TMPRSS4: variants seen among roughly 807,000 people sequenced by gnomAD.
TMPRSS4 encodes transmembrane serine protease 4.
In TMPRSS4, 45 loss-of-function variants were observed where a neutral mutation model predicts 56.4. The observed-to-expected ratio is 0.80, with a 90% CI of 0.63 to 1.02. TMPRSS4 has a LOEUF of 1.02. Among genes scored for constraint, TMPRSS4 ranks in the 50% least tolerant of loss-of-function variants. The pLI is 0.00. For missense variants in TMPRSS4, 546 were observed against 556.7 expected (o/e 0.98, Z 0.19); for synonymous variants, 205 against 211.0 (o/e 0.97, Z 0.25).
chr11:118,117,447 T>C lies in TMPRSS4; in HGVS notation c.1295T>C (p.Val432Ala), dbSNP rs751167953. Residue 432 changes from valine (V) to alanine (A), a missense_variant, in exon 12 of 13, where the codon GTC (valine) becomes GCC (alanine). Transcript: ENST00000437212. ...VSAYLNWIYN[V>A]WKAEL is the part of the protein sequence containing the mutation. ...GCCTATCTCAACTGGATCTACAATG[T>C]CTGGAAGGTAAGGTACCTTTGCCCT... 5.6e-6 allele frequency: 9 copies of C among 1,612,976 alleles called. No homozygotes were observed. In the African/African-American group the frequency reaches 8.0e-5, roughly 14 times the overall value.
In TMPRSS4 at chr11:118,121,631, T is replaced by A. The variant is rs1014828997; in HGVS notation, c.*3718T>A. On this transcript the variant is annotated 3_prime_UTR_variant, in exon 13 of 13. Transcript: ENST00000437212. ...GCCTCGGCCTCCCAAAGTGCTGGGA[T>A]TACAGGCGTGTCTACATATTATTAA... 31 of 152,228 alleles carry A rather than the reference T, an allele frequency of 2.0e-4. No individual in the cohort carries two copies. The highest frequency in any genetic ancestry group is 7.2e-4 in the African/African-American group (30 of 41,456). The allele number at this position is 152,228 out of a possible 1,614,324, so 9.4% of individuals were successfully genotyped here.
At position 118,118,988 on chromosome 11, in the gene TMPRSS4, C is replaced by A. The variant is rs1161153191; in HGVS notation, c.*1075C>A. 1 of 985,384 alleles carries A rather than the reference C, an allele frequency of 1.0e-6. No individual in the cohort carries two copies. Among genetic ancestry groups the A allele is most frequent in the Non-Finnish European group, 1.2e-6 (1 of 829,934 alleles). The allele number at this position is 985,384 out of a possible 1,614,324, so 61.0% of individuals were successfully genotyped here. On this transcript the variant is annotated 3_prime_UTR_variant, in exon 13 of 13. Transcript: ENST00000437212. The stretch of plus-strand genomic sequence containing the variant: ...TGGTCAAAGAATTAAACCCCATGGA[C>A]TTTTTTGGCATCTGTATGAAAGCTT...
At position 118,118,722 on chromosome 11, in the gene TMPRSS4, AG is replaced by A. The variant is rs34900458; in HGVS notation, c.*810del. 0.58 allele frequency: 576,199 copies of A among 985,478 alleles called. 169,664 individuals carry two copies. Among genetic ancestry groups the A allele is most frequent in the South Asian group, 0.69 (14,637 of 21,288 alleles). The allele number at this position is 985,478 out of a possible 1,614,324, so 61.0% of individuals were successfully genotyped here. A position where few individuals can be genotyped will look rare whatever the true frequency, so the allele number is the denominator to read the frequency against. On this transcript the variant is annotated 3_prime_UTR_variant, in exon 13 of 13. Coordinates refer to ENST00000437212, the MANE Select transcript of TMPRSS4 (RefSeq NM_019894.4). ...TCCCTGCCTGTGATAATCAGCCAGG[AG>A]CCAGGGATAACCTATGACTTGGGAA...
chr11:118,110,938 CT>C (rs1477431086), intron 7 of TMPRSS4, among the ~76,000 whole-genome samples: 2 of 152,206 alleles, frequency 1.3e-5, no homozygotes, highest in African/African-American at 4.8e-5. Context: ...TAGACAGAGA[CT>C]TTATATGAAA....
chr11:118,104,206 C>A (rs1946872643), intron 4 of TMPRSS4, among the ~76,000 whole-genome samples: 1 of 152,162 alleles, frequency 6.6e-6, no homozygotes, highest in Non-Finnish European at 1.5e-5. Flanking sequence ...CCCACAGGCA[C>A]CTGTCATCCT....
rs533310789 is a variant in TMPRSS4, at chr11:118,104,830, C to T, written c.440+10C>T. The T allele has an allele frequency of 2.6e-6, 4 of 1,565,114 alleles. No homozygotes were observed. The highest frequency in any genetic ancestry group is 2.7e-5 in the African/African-American group (2 of 72,820). On this transcript the variant is annotated intron_variant, in intron 5 of 12. Transcript: ENST00000437212. ...AGATGGGCTACAGCAGGTAACCAAC[C>T]TGGGCCTCTCTCCTTTTTCCCTCCT...
At chr11:118,105,976 T>G (rs1407630209) in intron 5 of TMPRSS4, 1 of 152,234 alleles carries the variant, frequency 6.6e-6, no homozygotes, top group Non-Finnish European at 1.5e-5. Flanking sequence ...AGGGGGCAAC[T>G]TCCATTACCC....
At chr11:118,102,815 G>A in intron 3 of TMPRSS4, 1 of 390,906 alleles carries the variant, frequency 2.6e-6, no homozygotes. Flanking sequence ...TACTGAGCGA[G>A]CACTGGAGGG....
intron 11 of TMPRSS4, among the ~76,000 whole-genome samples, chr11:118,115,899 C>A (rs1439231652): frequency 6.6e-6 from 1 of 152,076 alleles, no homozygotes; most frequent in East Asian, 1.9e-4. Flanking sequence ...AATGATTAGC[C>A]CCTTGAGGTC....
In TMPRSS4 at chr11:118,121,587, G is replaced by A. The variant is rs1375903409; in HGVS notation, c.*3674G>A. The A allele has an allele frequency of 2.6e-5, 4 of 152,118 alleles. No individual in the cohort carries two copies. Among genetic ancestry groups the A allele is most frequent in the African/African-American group, 2.4e-5 (1 of 41,432 alleles). 9.4% of individuals were successfully genotyped at this position (152,118 alleles called of 1,614,324 possible). A position where few individuals can be genotyped will look rare whatever the true frequency, so the allele number is the denominator to read the frequency against. Reference sequence around the variant, plus strand: ...TTGGCCAGGCCGGTCTCAAACTCCCGACCTCAAGTGATCCCCCCGCCTCGG... The same window carrying A: ...TTGGCCAGGCCGGTCTCAAACTCCCAACCTCAAGTGATCCCCCCGCCTCGG... On this transcript the variant is annotated 3_prime_UTR_variant, in exon 13 of 13. Coordinates refer to ENST00000437212, the MANE Select transcript of TMPRSS4 (RefSeq NM_019894.4).
At chr11:118,097,810 G>A (rs982507978) in intron 2 of TMPRSS4, among the ~76,000 whole-genome samples, 3 of 151,912 alleles carry the variant, frequency 2.0e-5, no homozygotes, top group African/African-American at 4.8e-5. Context: ...TGCTCTTGTC[G>A]CCCAGGCTGT....
At chr11:118,114,733 C>A in intron 9 of TMPRSS4, 96 bp from the exon 10 acceptor site, 1 of 1,318,394 alleles carries the variant, frequency 7.6e-7, no homozygotes, top group Non-Finnish European at 1.1e-6. Flanking sequence ...TCTCCCAGAC[C>A]AGCAAGATCC....
At chr11:118,105,533 C>T (rs1256124831) in intron 5 of TMPRSS4, 1 of 152,088 alleles carries the variant, frequency 6.6e-6, no homozygotes, top group Non-Finnish European at 1.5e-5. Flanking sequence ...AGCCCAAGAC[C>T]CCTAATTCTT....
chr11:118,110,737 T>C (rs557165488), intron 7 of TMPRSS4, among the ~76,000 whole-genome samples: 8 of 152,140 alleles, frequency 5.3e-5, no homozygotes, highest in Non-Finnish European at 1.2e-4. Context: ...AAGGTTGTGC[T>C]CCTACAAGAA....
rs71469160 is a variant in TMPRSS4, at chr11:118,112,379, C to CTTTTTTTTTTTT, written c.743+499_743+510dup. On this transcript the variant is annotated intron_variant, in intron 8 of 12. Transcript: ENST00000437212. Reference sequence around the variant, plus strand: ...AAGGGCTACTCCCAGACCCCCTTCACTTTTTTTTTTTTTTTTTTTTTTTTT... The same window carrying CTTTTTTTTTTTT: ...AAGGGCTACTCCCAGACCCCCTTCACTTTTTTTTTTTTTTTTTTTTTTTTTTTTTTTTTTTTT... Among the ~76,000 whole-genome samples the CTTTTTTTTTTTT allele has an allele frequency of 1.3e-4, 6 of 45,674 alleles. 1 individual carries two copies. The highest frequency in any genetic ancestry group is 1.4e-3 in the East Asian group (2 of 1,390). 30.0% of individuals were successfully genotyped at this position (45,674 alleles called of 152,430 possible). A position where few individuals can be genotyped will look rare whatever the true frequency, so the allele number is the denominator to read the frequency against.
intron 1 of TMPRSS4, among the ~76,000 whole-genome samples, chr11:118,087,071 G>T (rs1032946516): frequency 1.3e-5 from 2 of 151,452 alleles, no homozygotes; most frequent in Admixed American, 1.3e-4. Flanking sequence ...AAGCCTCAAA[G>T]GACCTGTTTA....
chr11:118,093,546 G>A (rs894981979), intron 1 of TMPRSS4, among the ~76,000 whole-genome samples: 2 of 152,220 alleles, frequency 1.3e-5, no homozygotes, highest in Non-Finnish European at 2.9e-5. Flanking sequence ...GTGACTCTGT[G>A]GCTGTGTGCG....
chr11:118,117,557 T>A, intron 12 of TMPRSS4, 103 bp downstream of exon 12: 2 of 1,509,734 alleles, frequency 1.3e-6, no homozygotes, highest in Non-Finnish European at 1.8e-6. Flanking sequence ...GACAACTCTT[T>A]ACATCCCAAA....
At chr11:118,104,864 C>T in intron 5 of TMPRSS4, 44 bp downstream of exon 5, 1 of 1,500,930 alleles carries the variant, frequency 6.7e-7, no homozygotes, top group African/African-American at 1.4e-5. Flanking sequence ...CTTCCTCCTT[C>T]CTCCTCTTCC....
Sources: gnomAD v4.1 joint callset for allele counts (sites outside exome capture counted in the v4.1 genomes callset) on GRCh38, gnomAD v4.1.1 for gene constraint, MANE v1.5 for transcripts, NCBI Gene and HGNC (gene_info 2026-07-23, HGNC 2026-07-21) for gene names.